Variants in INPP4B observed in about 807,000 individuals in gnomAD.
The protein encoded by INPP4B is inositol polyphosphate 4-phosphatase type II.
In INPP4B, 55 loss-of-function variants were observed where a neutral mutation model predicts 122.5. That is an observed-to-expected ratio of 0.45 (90% CI 0.36 to 0.56). INPP4B has a LOEUF of 0.56. Ranked by LOEUF, INPP4B falls within the 20% of genes least tolerant of loss-of-function variation. The pLI is 0.00. For synonymous variants in INPP4B, 403 were observed against 388.7 expected, an observed-to-expected ratio of 1.04 and a Z score of -0.43; for missense variants, 1,000 against 1,097.7, an observed-to-expected ratio of 0.91 and a Z score of 1.26.
At chr4:142,646,653 A>G (rs1026794733) in intron 2 of INPP4B, among the ~76,000 whole-genome samples, 2 of 152,258 alleles carry the variant, frequency 1.3e-5, no homozygotes, top group Non-Finnish European at 2.9e-5. Context: ...GAAAGCATAA[A>G]CCAAAAAATG....
intron 1 of INPP4B, among the ~76,000 whole-genome samples, chr4:142,835,765 A>G (rs1371022808): frequency 6.6e-6 from 1 of 152,242 alleles, no homozygotes; most frequent in African/African-American, 2.4e-5. Context: ...ATTCGTACTC[A>G]TTCTTTAAAC....
chr4:142,276,954 G>A (rs1176907169), intron 9 of INPP4B, among the ~76,000 whole-genome samples: 1 of 151,858 alleles, frequency 6.6e-6, no homozygotes, highest in African/African-American at 2.4e-5. Context: ...AGCAAGGTGA[G>A]AAAACAAGGT....
At chr4:142,686,376 A>G (rs775074542) in intron 2 of INPP4B, among the ~76,000 whole-genome samples, 30 of 152,064 alleles carry the variant, frequency 2.0e-4, no homozygotes, top group Non-Finnish European at 3.8e-4. Flanking sequence ...TCAAAGCCAA[A>G]AGAAAAAAAC....
At chr4:142,776,197 G>T (rs2151014204) in intron 1 of INPP4B, among the ~76,000 whole-genome samples, 2 of 152,226 alleles carry the variant, frequency 1.3e-5, no homozygotes, top group South Asian at 4.1e-4. Context: ...GTGGGCTAAG[G>T]TCTACTACCC....
At chr4:142,388,149 T>A (rs1796539777) in intron 7 of INPP4B, among the ~76,000 whole-genome samples, 1 of 152,236 alleles carries the variant, frequency 6.6e-6, no homozygotes, top group Non-Finnish European at 1.5e-5. Context: ...AGATATCTTG[T>A]ATACTTGTGG....
intron 2 of INPP4B, among the ~76,000 whole-genome samples, chr4:142,570,102 T>C (rs1373109811): frequency 1.3e-5 from 2 of 152,136 alleles, no homozygotes; most frequent in East Asian, 1.9e-4. Context: ...TAACAATATA[T>C]ACTTAAGAAG....
intron 2 of INPP4B, among the ~76,000 whole-genome samples, chr4:142,517,553 T>C (rs1331135703): frequency 6.6e-6 from 1 of 152,108 alleles, no homozygotes; most frequent in African/African-American, 2.4e-5. Context: ...TCAATCAAAT[T>C]AGCCATTCAT....
At chr4:142,677,002 T>C (rs1175170175) in intron 2 of INPP4B, among the ~76,000 whole-genome samples, 1 of 152,010 alleles carries the variant, frequency 6.6e-6, no homozygotes, top group African/African-American at 2.4e-5. Context: ...AGAATATAAT[T>C]AAACTAAAGA....
At chr4:142,675,093 AATAG>A (rs1467772109) in intron 2 of INPP4B, among the ~76,000 whole-genome samples, 1 of 152,204 alleles carries the variant, frequency 6.6e-6, no homozygotes, top group Admixed American at 6.5e-5. Flanking sequence ...AGATCAACAA[AATAG>A]ATAGACCACT....
At chr4:142,110,328 C>T (rs1789388097) in intron 22 of INPP4B, among the ~76,000 whole-genome samples, 1 of 152,114 alleles carries the variant, frequency 6.6e-6, no homozygotes, top group South Asian at 2.1e-4. Context: ...CTTGGACTTC[C>T]CAGCTTCCTG....
At chr4:142,560,713 T>A (rs1280124191) in intron 2 of INPP4B, 1 of 152,226 alleles carries the variant, frequency 6.6e-6, no homozygotes, top group African/African-American at 2.4e-5. Context: ...GCAAGTCTGC[T>A]CTTTCCAACA....
intron 25 of INPP4B, among the ~76,000 whole-genome samples, chr4:142,036,657 A>C (rs1455217475): frequency 6.6e-6 from 1 of 152,188 alleles, no homozygotes; most frequent in African/African-American, 2.4e-5. Flanking sequence ...CACTAAATTA[A>C]AAGGTTTTTG....
At chr4:142,781,751 C>T (rs1334050763) in intron 1 of INPP4B, among the ~76,000 whole-genome samples, 1 of 151,914 alleles carries the variant, frequency 6.6e-6, no homozygotes, top group Non-Finnish European at 1.5e-5. Context: ...AAGGTGTGTG[C>T]CACTGATACT....
chr4:142,407,709 A>G lies in INPP4B; in HGVS notation c.137-2385T>C, dbSNP rs192639760. 3.4e-3 allele frequency among the ~76,000 whole-genome samples: 519 copies of G among 152,210 alleles called. 6 individuals are homozygous for G. Among genetic ancestry groups the G allele is most frequent in the African/African-American group, 0.011 (451 of 41,506 alleles). On this transcript the variant is annotated intron_variant, in intron 5 of 25. Transcript: ENST00000262992. ...TACTGTACCCTAAGTCTTATGCAGC[A>G]TGATATCCTGGAGAGAACCCGAGAT...
intron 15 of INPP4B, among the ~76,000 whole-genome samples, chr4:142,184,612 G>T (rs1319173930): frequency 6.6e-6 from 1 of 152,090 alleles, no homozygotes; most frequent in Non-Finnish European, 1.5e-5. Flanking sequence ...TTTCAAGTTA[G>T]GTCCTGGGGA....
chr4:142,442,113 A>G (rs974745385), intron 3 of INPP4B, among the ~76,000 whole-genome samples: 14 of 152,088 alleles, frequency 9.2e-5, no homozygotes, highest in African/African-American at 3.4e-4. Flanking sequence ...AGCATAGACC[A>G]TAAGAAAAAC....
At chr4:142,611,637 C>CTTTTTTTTTTTTTTTT (rs34482115) in intron 2 of INPP4B, among the ~76,000 whole-genome samples, 7 of 65,234 alleles carry the variant, frequency 1.1e-4, no homozygotes, top group Middle Eastern at 0.017. Context: ...TTTCTTTTTT[C>CTTTTTTTTTTTTTTTT]TTTTTTTTTT....
At chr4:142,459,037 G>T (rs1183384372) in intron 3 of INPP4B, among the ~76,000 whole-genome samples, 1 of 152,180 alleles carries the variant, frequency 6.6e-6, no homozygotes, top group Non-Finnish European at 1.5e-5. Context: ...AACTCATATG[G>T]CTGCAGCCTG....
intron 11 of INPP4B, among the ~76,000 whole-genome samples, chr4:142,248,527 C>T (rs566125773): frequency 1.3e-3 from 190 of 151,770 alleles, no homozygotes; most frequent in African/African-American, 4.4e-3. Flanking sequence ...TTAGTAGAGA[C>T]GGGGTTTCAC....
Sources: allele counts gnomAD v4.1 joint callset (sites outside exome capture counted in the v4.1 genomes callset), GRCh38; gene constraint gnomAD v4.1.1; transcripts MANE v1.5; gene names NCBI Gene and HGNC (gene_info 2026-07-23, HGNC 2026-07-21).